Variants in FGF13 observed in about 807,000 individuals in gnomAD.
The protein encoded by FGF13 is fibroblast growth factor 13.
In FGF13, 2 loss-of-function variants were observed where a neutral mutation model predicts 19.5. That is an observed-to-expected ratio of 0.10 (90% confidence interval 0.04 to 0.32). The LOEUF is 0.32. Among genes scored for constraint, FGF13 ranks in the 10% least tolerant of loss-of-function variants. The probability of loss-of-function intolerance (pLI) is 1.00; values close to 1 mark genes in which losing one functional copy is unlikely to be tolerated. For missense variants in FGF13, 113 were observed against 192.7 expected (o/e 0.59, Z 2.45); for synonymous variants, 72 against 76.9 (o/e 0.94, Z 0.33).
chrX:139,176,936 C>T (rs1204355660), intron 1 of FGF13, among the ~76,000 whole-genome samples: 2 of 111,575 alleles, frequency 1.8e-5, no homozygotes, highest in Admixed American at 9.5e-5. Context: ...CTGCTTCGTC[C>T]AGAGCTGAGT....
chrX:138,832,136 C>T (rs942805509), intron 3 of FGF13, among the ~76,000 whole-genome samples: 7 of 112,054 alleles, frequency 6.2e-5, no homozygotes, highest in Non-Finnish European at 9.4e-5. Context: ...ATGAATGTGT[C>T]TTTATAATAG....
At chrX:138,689,107 A>G (rs1160394437) in intron 3 of FGF13, among the ~76,000 whole-genome samples, 1 of 111,850 alleles carries the variant, frequency 8.9e-6, no homozygotes, top group Non-Finnish European at 1.9e-5. Flanking sequence ...AGAATTTCAG[A>G]GAATACTAAA....
chrX:138,938,629 T>C (rs1001614790), intron 1 of FGF13, among the ~76,000 whole-genome samples: 3 of 111,394 alleles, frequency 2.7e-5, no homozygotes, highest in South Asian at 7.7e-4. Context: ...GTCTCACCCA[T>C]GCCCCCACCC....
chrX:139,028,616 T>TGTGTGTGTGA (rs1432577338), intron 1 of FGF13, among the ~76,000 whole-genome samples: 53 of 74,306 alleles, frequency 7.1e-4, no homozygotes, highest in African/African-American at 2.8e-3. Context: ...TGTGTGTGTG[T>TGTGTGTGTGA]GAGAGAGAGA....
At chrX:138,651,928 G>A (rs1414465939) in intron 3 of FGF13, among the ~76,000 whole-genome samples, 1 of 111,234 alleles carries the variant, frequency 9.0e-6, no homozygotes, top group Non-Finnish European at 1.9e-5. Flanking sequence ...TATACATGTA[G>A]TATAACATTA....
chrX:138,639,367 TCA>T (rs917381175), intron 3 of FGF13, among the ~76,000 whole-genome samples: 10 of 111,787 alleles, frequency 8.9e-5, no homozygotes, highest in African/African-American at 3.3e-4. Flanking sequence ...AAGGCAGCAA[TCA>T]CTGTGTTCTG....
At chrX:138,885,044 T>C (rs1396664771) in intron 1 of FGF13, among the ~76,000 whole-genome samples, 1 of 112,249 alleles carries the variant, frequency 8.9e-6, no homozygotes, top group Non-Finnish European at 1.9e-5. Flanking sequence ...AAAATATAAC[T>C]CAAAGTTGAC....
intron 1 of FGF13, among the ~76,000 whole-genome samples, chrX:139,005,396 G>T (rs1355910835): frequency 9.0e-6 from 1 of 111,619 alleles, no homozygotes; most frequent in Non-Finnish European, 1.9e-5. Context: ...TCCTAATGCA[G>T]ACAAGGCTTA....
At chrX:138,965,171 G>T (rs1407332340) in intron 1 of FGF13, among the ~76,000 whole-genome samples, 1 of 112,271 alleles carries the variant, frequency 8.9e-6, no homozygotes, top group East Asian at 2.8e-4. Flanking sequence ...GCCTCCCCAG[G>T]ATATGCCTCT....
intron 3 of FGF13, among the ~76,000 whole-genome samples, chrX:138,797,699 A>G (rs1569397376): frequency 9.1e-6 from 1 of 109,564 alleles, no homozygotes; most frequent in Admixed American, 9.7e-5. Flanking sequence ...ATGAGCATGG[A>G]TTTTTTTTTC....
chrX:138,992,832 T>A lies in FGF13; in HGVS notation c.-112-128182A>T, dbSNP rs146651639. Among the ~76,000 whole-genome samples the A allele has an allele frequency of 8.6e-3, 958 of 111,320 alleles. 3 individuals carry two copies. Among genetic ancestry groups the A allele is most frequent in the Non-Finnish European group, 0.014 (728 of 52,910 alleles). Reference sequence around the variant, plus strand: ...ACAGGTATTCATGGTATTTACATAATCTCAAAGTATTTCCTAATAAAATAC... The same window carrying A: ...ACAGGTATTCATGGTATTTACATAAACTCAAAGTATTTCCTAATAAAATAC... On this transcript the variant is annotated intron_variant, in intron 1 of 2. Transcript: ENST00000421460.
intron 1 of FGF13, among the ~76,000 whole-genome samples, chrX:138,937,508 T>C (rs2091737635): frequency 8.9e-6 from 1 of 112,059 alleles, no homozygotes; most frequent in Non-Finnish European, 1.9e-5. Flanking sequence ...GTGTGTGGCA[T>C]AGCACCCAGT....
chrX:139,095,798 CT>C (rs2083466764), intron 1 of FGF13, among the ~76,000 whole-genome samples: 1 of 111,972 alleles, frequency 8.9e-6, no homozygotes, highest in African/African-American at 3.2e-5. Flanking sequence ...CATGTCCTGC[CT>C]GTATATCTGC....
chrX:138,659,003 CTTGCT>C (rs1354169981), intron 3 of FGF13, among the ~76,000 whole-genome samples: 1 of 111,444 alleles, frequency 9.0e-6, no homozygotes, highest in Non-Finnish European at 1.9e-5. Context: ...GAAATACTGG[CTTGCT>C]TTTTCTATCA....
At chrX:138,914,954 C>T (rs997890394) in intron 1 of FGF13, among the ~76,000 whole-genome samples, 1 of 111,421 alleles carries the variant, frequency 9.0e-6, no homozygotes, top group Non-Finnish European at 1.9e-5. Flanking sequence ...GCAATTTCTG[C>T]CTGCCAGAGT....
chrX:138,875,774 CT>C, intron 1 of FGF13, among the ~76,000 whole-genome samples: 1 of 111,370 alleles, frequency 9.0e-6, no homozygotes, highest in Non-Finnish European at 1.9e-5. Flanking sequence ...TGCCTTCAAA[CT>C]TAAGCTGAAA....
chrX:138,735,511 T>C (rs1483731631), intron 1 of FGF13, among the ~76,000 whole-genome samples: 1 of 112,236 alleles, frequency 8.9e-6, no homozygotes, highest in Admixed American at 9.4e-5. Context: ...GATATGTGTA[T>C]ACCCTATTTA....
At chrX:138,948,085 C>A (rs184054829) in intron 1 of FGF13, among the ~76,000 whole-genome samples, 2 of 111,381 alleles carry the variant, frequency 1.8e-5, no homozygotes, top group East Asian at 5.7e-4. Context: ...TTCAGCCATC[C>A]AGTCTGTTGT....
intron 2 of FGF13, among the ~76,000 whole-genome samples, chrX:138,862,537 AATGGGGTAAT>A (rs1488848285): frequency 1.8e-5 from 2 of 111,580 alleles, no homozygotes; most frequent in African/African-American, 6.5e-5. Flanking sequence ...GAGAAAAAAA[AATGGGGTAAT>A]TAGAGCAATG....
Sources: gnomAD v4.1 joint callset for allele counts (sites outside exome capture counted in the v4.1 genomes callset) on GRCh38, gnomAD v4.1.1 for gene constraint, MANE v1.5 for transcripts, NCBI Gene and HGNC (gene_info 2026-07-23, HGNC 2026-07-21) for gene names.